Variants in MYO7A observed in about 807,000 individuals in gnomAD.
MYO7A encodes myosin VIIA.
In MYO7A, 210 loss-of-function variants were observed where a neutral mutation model predicts 263.8. That is an observed-to-expected ratio of 0.80 (90% confidence interval 0.71 to 0.89). The LOEUF (loss-of-function observed/expected upper bound fraction) is 0.89. MYO7A is among the 40% of genes least tolerant of loss of function. The probability of loss-of-function intolerance (pLI) is 0.00; values close to 1 mark genes in which losing one functional copy is unlikely to be tolerated. For missense variants in MYO7A, 2,820 were observed against 2,968.3 expected, an observed-to-expected ratio of 0.95 and a Z score of 1.16; for synonymous variants, 1,239 against 1,197.3, an observed-to-expected ratio of 1.03 and a Z score of -0.72.
chr11:77,169,297 G>A (rs932336181), intron 15 of MYO7A, among the ~76,000 whole-genome samples: 74 of 152,248 alleles, frequency 4.9e-4, no homozygotes, highest in Admixed American at 1.4e-3. Context: ...CCCCACCACA[G>A]CCCTTGCTGG....
At chr11:77,213,139 T>G in intron 47 of MYO7A, 104 bp downstream of exon 47, 69 of 872,764 alleles carry the variant, frequency 7.9e-5, no homozygotes, top group Non-Finnish European at 1.2e-4. Context: ...CATCTATCTC[T>G]AGACTCATCC....
chr11:77,196,620 GTC>G (rs1448322540), intron 32 of MYO7A, among the ~76,000 whole-genome samples: 12 of 152,140 alleles, frequency 7.9e-5, no homozygotes, highest in Non-Finnish European at 2.9e-5. Flanking sequence ...TCAGTGATTT[GTC>G]TCTCTGCCTA....
intron 2 of MYO7A, among the ~76,000 whole-genome samples, chr11:77,140,903 G>A (rs1391024253): frequency 6.6e-6 from 1 of 152,240 alleles, no homozygotes; most frequent in Non-Finnish European, 1.5e-5. Flanking sequence ...CACATGAAGA[G>A]AGGGTCCACA....
At position 77,161,112 on chromosome 11, in the gene MYO7A, A is replaced by G. The variant is rs1555068479; in HGVS notation, c.1340A>G (p.Asn447Ser). 5 of 1,613,980 alleles carry G rather than the reference A, an allele frequency of 3.1e-6. No individual in the cohort carries two copies. The highest frequency in any genetic ancestry group is 4.2e-6 in the Non-Finnish European group (5 of 1,179,880). ...DIFGFENFAV[N>S]SFEQLCINFA... ...TTTGGGTTTGAGAACTTTGCTGTGA[A>G]CAGGTACCGCGTGGGGCTCTGCTCA... The change falls in exon 12 of 49, where the codon AAC becomes AGC. Residue 447 changes from asparagine to serine, a missense_variant. Transcript: ENST00000409709.
intron 44 of MYO7A, among the ~76,000 whole-genome samples, chr11:77,210,391 G>A (rs1957783179): frequency 6.6e-6 from 1 of 152,142 alleles, no homozygotes; most frequent in South Asian, 2.1e-4. Context: ...TGGTGAGTTA[G>A]GTAGGTGAGT....
At chr11:77,177,667 C>T in intron 19 of MYO7A, 24 bp downstream of exon 19, 1 of 1,567,622 alleles carries the variant, frequency 6.4e-7, no homozygotes, top group Non-Finnish European at 8.7e-7. Context: ...CCAGCTCCTC[C>T]CCTCCTCAGC....
At chr11:77,148,010 CG>C in intron 4 of MYO7A, 60 bp downstream of exon 4, 1 of 1,392,552 alleles carries the variant, frequency 7.2e-7, no homozygotes, top group East Asian at 2.7e-5. Flanking sequence ...CCGCCCACCT[CG>C]CCCCACCCCG....
chr11:77,207,278 G>A lies in MYO7A; in HGVS notation c.5743-11G>A, dbSNP rs1031390811. On this transcript the variant is annotated splice_polypyrimidine_tract_variant and intron_variant, in intron 41 of 48. Coordinates refer to ENST00000409709, the MANE Select transcript of MYO7A (RefSeq NM_000260.4). ...GCCCTGCAGGAGCCCAGTGCTCACT[G>A]CCCCTCCCAGGCCTTCGAAGTGGAG... The A allele has an allele frequency of 1.6e-5, 26 of 1,597,928 alleles. No individual in the cohort carries two copies. The highest frequency in any genetic ancestry group is 3.4e-5 in the South Asian group (3 of 88,804).
chr11:77,158,424 T>G lies in MYO7A; in HGVS notation c.997T>G (p.Tyr333Asp). ...CATCCTGCACCTGGGCAACCTGCAG[T>G]ATGAGGGTGAGGCTGCGCCACACTC... Reference protein sequence around the residue: ...AAILHLGNLQYEARTFENLDA... With the variant: ...AAILHLGNLQDEARTFENLDA... The change falls in exon 9 of 49, where the codon TAT becomes GAT. Residue 333 changes from tyrosine (Y) to aspartate (D), a missense_variant. Physicochemically the swap from Tyr to Asp is radical, Grantham distance 160 (BLOSUM62 -3). Coordinates refer to ENST00000409709, the MANE Select transcript of MYO7A (RefSeq NM_000260.4). 6.2e-7 allele frequency: 1 copy of G among 1,611,432 alleles called. No homozygotes were observed. The highest frequency in any genetic ancestry group is 8.5e-7 in the Non-Finnish European group (1 of 1,179,522).
intron 9 of MYO7A, 22 bp from the exon 10 acceptor site, chr11:77,159,425 C>A: frequency 6.6e-6 from 4 of 606,560 alleles, no homozygotes; most frequent in Non-Finnish European, 1.2e-5. Flanking sequence ...TCCCCTGATG[C>A]TGTGCCCCTT....
chr11:77,163,247 G>A (rs538397802), intron 14 of MYO7A, among the ~76,000 whole-genome samples: 1 of 152,164 alleles, frequency 6.6e-6, no homozygotes, highest in Admixed American at 6.5e-5. Flanking sequence ...GCAAGCATGG[G>A]GCAGTAACTC....
At chr11:77,156,546 G>A in intron 5 of MYO7A, 114 bp from the exon 6 acceptor site, 2 of 1,484,830 alleles carry the variant, frequency 1.3e-6, no homozygotes, top group Non-Finnish European at 1.8e-6. Flanking sequence ...GGTCCGTATT[G>A]TCAGCTGATA....
chr11:77,177,520 G>C, intron 18 of MYO7A, 29 bp from the exon 19 acceptor site: 1 of 1,571,232 alleles, frequency 6.4e-7, no homozygotes, highest in East Asian at 2.3e-5. Context: ...AGACCTTGTG[G>C]GGCGCTGCTC....
intron 15 of MYO7A, 95 bp downstream of exon 15, chr11:77,166,257 C>T: frequency 9.2e-7 from 1 of 1,082,370 alleles, no homozygotes; most frequent in African/African-American, 1.6e-5. Context: ...CAGCTGAGCC[C>T]CCTGGCCACA....
intron 31 of MYO7A, among the ~76,000 whole-genome samples, chr11:77,193,627 C>T (rs148565451): frequency 1.1e-4 from 16 of 151,594 alleles, no homozygotes; most frequent in Non-Finnish European, 1.6e-4. Flanking sequence ...AGGCGGAGTG[C>T]ATTAGTATAG....
intron 15 of MYO7A, among the ~76,000 whole-genome samples, chr11:77,169,912 C>T (rs1209989902): frequency 6.6e-6 from 1 of 151,976 alleles, no homozygotes; most frequent in Non-Finnish European, 1.5e-5. Context: ...CCCATCTCTA[C>T]AAAAAATATA....
chr11:77,180,035 G>C (rs1048245660), intron 21 of MYO7A, 82 bp downstream of exon 21: 1 of 1,393,594 alleles, frequency 7.2e-7, no homozygotes, highest in East Asian at 2.5e-5. Flanking sequence ...TGTTGGCCAG[G>C]AAGTGGGACC....
chr11:77,152,873 G>A (rs1952094273), intron 4 of MYO7A, among the ~76,000 whole-genome samples: 1 of 152,106 alleles, frequency 6.6e-6, no homozygotes, highest in Non-Finnish European at 1.5e-5. Flanking sequence ...TGGACGAAGG[G>A]GTAGGGGAAG....
At chr11:77,201,121 C>T (rs564694415) in intron 35 of MYO7A, among the ~76,000 whole-genome samples, 58 of 152,338 alleles carry the variant, frequency 3.8e-4, no homozygotes, top group African/African-American at 1.3e-3. Flanking sequence ...GAAAGCTGGC[C>T]TGTCCAGGGA....
Sources: allele counts gnomAD v4.1 joint callset (sites outside exome capture counted in the v4.1 genomes callset), GRCh38; gene constraint gnomAD v4.1.1; transcripts MANE v1.5; gene names NCBI Gene and HGNC (gene_info 2026-07-23, HGNC 2026-07-21).